RFX7: variants seen among roughly 807,000 people sequenced by gnomAD.
The protein encoded by RFX7 is DNA-binding protein RFX7.
RFX7 carries 26 observed loss-of-function variants against 111.8 expected under a neutral mutation model. The ratio of observed to expected loss-of-function variants is 0.23; its 90% confidence interval spans 0.17 to 0.32. The LOEUF is 0.32. Among genes scored for constraint, RFX7 ranks in the 10% least tolerant of loss-of-function variants. RFX7 has a pLI of 1.00. For missense variants in RFX7, 1,573 were observed against 1,772.9 expected (o/e 0.89, Z 2.02); for synonymous variants, 624 against 624.4 (o/e 1.00, Z 0.01).
At chr15:56,114,809 A>G (rs1320759826) in intron 5 of RFX7, among the ~76,000 whole-genome samples, 1 of 152,270 alleles carries the variant, frequency 6.6e-6, no homozygotes, top group South Asian at 2.1e-4. Flanking sequence ...ATGGTGAATC[A>G]TGATTCACAG....
intron 2 of RFX7, among the ~76,000 whole-genome samples, chr15:56,212,447 C>T (rs959803242): frequency 6.6e-6 from 1 of 152,064 alleles, no homozygotes; most frequent in Non-Finnish European, 1.5e-5. Context: ...CATTATATAT[C>T]TGACCAAACC....
chr15:56,234,125 T>C (rs1385193267), intron 2 of RFX7, among the ~76,000 whole-genome samples: 12 of 152,216 alleles, frequency 7.9e-5, no homozygotes, highest in South Asian at 2.1e-4. Flanking sequence ...AAAAATATTA[T>C]GTCCTCACTG....
intron 7 of RFX7, 52 bp downstream of exon 7, chr15:56,102,117 T>G: frequency 1.5e-6 from 2 of 1,321,890 alleles, no homozygotes; most frequent in Non-Finnish European, 2.2e-6. Context: ...CATTTCAATG[T>G]TAATATAAAG....
intron 3 of RFX7, among the ~76,000 whole-genome samples, chr15:56,178,178 CA>C (rs2042923848): frequency 5.1e-5 from 7 of 137,188 alleles, no homozygotes; most frequent in African/African-American, 1.9e-4. Context: ...CACACACACA[CA>C]CACACACACA....
At chr15:56,224,757 C>G (rs762589732) in intron 2 of RFX7, among the ~76,000 whole-genome samples, 34 of 151,986 alleles carry the variant, frequency 2.2e-4, no homozygotes, top group Non-Finnish European at 3.7e-4. Flanking sequence ...ATGTCTTCTA[C>G]TTAATAGAGA....
At chr15:56,099,808 T>C (rs1595922841) in intron 8 of RFX7, among the ~76,000 whole-genome samples, 1 of 152,184 alleles carries the variant, frequency 6.6e-6, no homozygotes, top group African/African-American at 2.4e-5. Flanking sequence ...AAAAATGGAG[T>C]GTCTTTTTAA....
chr15:56,100,445 T>C (rs977495338), intron 8 of RFX7, among the ~76,000 whole-genome samples: 1 of 152,072 alleles, frequency 6.6e-6, no homozygotes, highest in Non-Finnish European at 1.5e-5. Flanking sequence ...ACATACTAAA[T>C]GTAAAATTAG....
chr15:56,094,063 CTTT>C lies in RFX7; in HGVS notation c.3662_3664del (p.Gln1221del), dbSNP rs1414233885. 5.0e-6 allele frequency: 8 copies of C among 1,613,834 alleles called. No individual in the cohort carries two copies. Among genetic ancestry groups the C allele is most frequent in the Middle Eastern group, 1.6e-4 (1 of 6,082 alleles). ...GACTGTCAATGGAACTGATTGGCTT[CTTT>C]GAGCTATGTTGTTGGCACATGCGTC... On this transcript the variant is annotated inframe_deletion, in exon 10 of 10. Transcript: ENST00000559447.
chr15:56,224,100 A>G (rs1357405969), intron 2 of RFX7, among the ~76,000 whole-genome samples: 1 of 152,058 alleles, frequency 6.6e-6, no homozygotes, highest in East Asian at 1.9e-4. Context: ...CCTAATATAA[A>G]TAAGATGTGG....
At chr15:56,109,984 C>G (rs867524249) in intron 5 of RFX7, among the ~76,000 whole-genome samples, 80 of 135,116 alleles carry the variant, frequency 5.9e-4, no homozygotes, top group Non-Finnish European at 1.2e-3. Flanking sequence ...GCCCCCTGCC[C>G]GGCCAGCCGC....
intron 5 of RFX7, among the ~76,000 whole-genome samples, chr15:56,142,215 G>A (rs1176710038): frequency 2.0e-5 from 3 of 152,060 alleles, no homozygotes; most frequent in African/African-American, 4.8e-5. Context: ...GGGCTCATCA[G>A]CCTCTGTATT....
chr15:56,187,216 T>C (rs542568863), intron 2 of RFX7, among the ~76,000 whole-genome samples: 1 of 151,816 alleles, frequency 6.6e-6, no homozygotes, highest in African/African-American at 2.4e-5. Context: ...GTAGAATTTT[T>C]TTTTTTTTTT....
At chr15:56,208,499 C>T (rs948970358) in intron 2 of RFX7, among the ~76,000 whole-genome samples, 1 of 152,112 alleles carries the variant, frequency 6.6e-6, no homozygotes, top group South Asian at 2.1e-4. Context: ...GTAACTCGCA[C>T]CTGGTTATTA....
At chr15:56,228,769 C>T (rs1036584936) in intron 2 of RFX7, among the ~76,000 whole-genome samples, 47 of 152,060 alleles carry the variant, frequency 3.1e-4, no homozygotes, top group Non-Finnish European at 3.1e-4. Context: ...AGTAGTCCCC[C>T]CTCATTCTCG....
intron 8 of RFX7, 64 bp downstream of exon 8, chr15:56,101,295 G>T: frequency 1.5e-6 from 2 of 1,342,266 alleles, no homozygotes; most frequent in Non-Finnish European, 2.1e-6. Flanking sequence ...CTCTTCTTTT[G>T]CTACCAATTC....
chr15:56,223,093 G>C (rs1487107074), intron 2 of RFX7, among the ~76,000 whole-genome samples: 1 of 152,130 alleles, frequency 6.6e-6, no homozygotes, highest in Non-Finnish European at 1.5e-5. Context: ...TGCTGAGCGA[G>C]ACCTCTCCAA....
intron 5 of RFX7, among the ~76,000 whole-genome samples, chr15:56,131,040 T>C (rs1251635466): frequency 1.3e-5 from 2 of 151,874 alleles, no homozygotes; most frequent in Non-Finnish European, 2.9e-5. Flanking sequence ...CACAGAAAAT[T>C]AGGGAAAGAG....
chr15:56,225,377 C>G (rs2043471186), intron 2 of RFX7, among the ~76,000 whole-genome samples: 1 of 152,114 alleles, frequency 6.6e-6, no homozygotes, highest in Non-Finnish European at 1.5e-5. Context: ...TCATTGTCTT[C>G]ATTATGGAAA....
chr15:56,224,467 TTGTGTGTGTGTG>T (rs58795247), intron 2 of RFX7, among the ~76,000 whole-genome samples: 1 of 147,204 alleles, frequency 6.8e-6, no homozygotes, highest in Non-Finnish European at 1.5e-5. Context: ...GATTAGGATT[TTGTGTGTGTGTG>T]TGTGTGTGTG....
Sources: allele counts gnomAD v4.1 joint callset (sites outside exome capture counted in the v4.1 genomes callset), GRCh38; gene constraint gnomAD v4.1.1; transcripts MANE v1.5; gene names NCBI Gene and HGNC (gene_info 2026-07-23, HGNC 2026-07-21).